The following SH3BP5 variants were observed in gnomAD, a reference collection of about 807,000 sequenced individuals.
SH3BP5 encodes SH3 domain binding protein 5.
A neutral mutation model predicts 43.3 loss-of-function variants in SH3BP5; 22 were observed. The ratio of observed to expected loss-of-function variants is 0.51; its 90% CI spans 0.36 to 0.73. SH3BP5 has a LOEUF of 0.73. SH3BP5 is among the 30% of genes least tolerant of loss of function. The probability of loss-of-function intolerance (pLI) is 0.00; values close to 1 mark genes in which losing one functional copy is unlikely to be tolerated. For synonymous variants in SH3BP5, 255 were observed against 225.8 expected (o/e 1.13, Z -1.16); for missense variants, 529 against 586.9 (o/e 0.90, Z 1.02).
chr3:15,283,764 C>T (rs78874178), intron 3 of SH3BP5, among the ~76,000 whole-genome samples: 2,565 of 152,294 alleles, frequency 0.017, 33 homozygotes, highest in South Asian at 0.023. Flanking sequence ...AGAGCCAAAA[C>T]CAAACTGCAG....
chr3:15,309,795 A>G (rs1056693054), intron 2 of SH3BP5, among the ~76,000 whole-genome samples: 2 of 152,056 alleles, frequency 1.3e-5, no homozygotes, highest in Non-Finnish European at 2.9e-5. Context: ...CCTTCTATAA[A>G]TGAGGCTGTG....
rs1047758856 is a variant in SH3BP5 at position 15,262,181 on chromosome 3, T to C, written c.604A>G (p.Lys202Glu). 1 of 1,614,006 alleles carries C rather than the reference T, an allele frequency of 6.2e-7. No individual in the cohort carries two copies. Among genetic ancestry groups the C allele is most frequent in the Non-Finnish European group, 8.5e-7 (1 of 1,179,944 alleles). The change falls in exon 5 of 9, where the codon AAG (lysine) becomes GAG (glutamate). Residue 202 changes from lysine to glutamate, a missense_variant. Physicochemically the swap from Lys to Glu is moderately conservative, Grantham distance 56. This residue lies in a region of SH3BP5 where 369 missense variants were observed against 384.3 expected (regional missense o/e 0.96). Transcript: ENST00000383791. The part of the protein sequence containing the change: ...GRMRQLEKKL[K>E]RAINKSKPYF... Reference sequence around the variant, plus strand: ...TACTTGGACTTGTTGATGGCTCTCTTGAGTTTCTTCTCCAGCTGTCGCATG... The same window carrying C: ...TACTTGGACTTGTTGATGGCTCTCTCGAGTTTCTTCTCCAGCTGTCGCATG...
rs1239303990 is a variant in SH3BP5, at chr3:15,276,411, C to A, written c.331-6534G>T. Reference sequence around the variant, plus strand: ...GCCAGGAAGCCACAGCCCCTGACCCCTAGTCTGGAGCTATTTCAGTTCAAC... The same window carrying A: ...GCCAGGAAGCCACAGCCCCTGACCCATAGTCTGGAGCTATTTCAGTTCAAC... On this transcript the variant is annotated intron_variant, in intron 3 of 8. Transcript: ENST00000383791. 2.6e-5 allele frequency among the ~76,000 whole-genome samples: 4 copies of A among 152,216 alleles called. No individual in the cohort carries two copies. In the East Asian group the frequency reaches 7.7e-4, roughly 29 times the overall value.
chr3:15,282,393 T>C (rs1216920667), intron 3 of SH3BP5, among the ~76,000 whole-genome samples: 1 of 152,220 alleles, frequency 6.6e-6, no homozygotes, highest in Admixed American at 6.5e-5. Context: ...TTTATTGCTG[T>C]GCAAGTTTGC....
chr3:15,314,579 G>A (rs867408635), intron 2 of SH3BP5, among the ~76,000 whole-genome samples: 5 of 152,212 alleles, frequency 3.3e-5, no homozygotes, highest in Admixed American at 1.3e-4. Context: ...AGCAGAGGTA[G>A]AGAGCAGGGG....
chr3:15,281,006 T>A (rs1697113492), intron 3 of SH3BP5, among the ~76,000 whole-genome samples: 1 of 152,168 alleles, frequency 6.6e-6, no homozygotes, highest in Non-Finnish European at 1.5e-5. Context: ...AGAACTGGAA[T>A]ATTGCACGCC....
chr3:15,312,744 G>A (rs984512449), intron 2 of SH3BP5, among the ~76,000 whole-genome samples: 1 of 152,120 alleles, frequency 6.6e-6, no homozygotes, highest in African/African-American at 2.4e-5. Context: ...CAGGCTCAGA[G>A]CCTTCCGTAA....
chr3:15,309,506 G>C (rs1248271085), intron 2 of SH3BP5, among the ~76,000 whole-genome samples: 1 of 152,150 alleles, frequency 6.6e-6, no homozygotes, highest in African/African-American at 2.4e-5. Flanking sequence ...CCCTTTCCAA[G>C]TAGCTGGGAC....
chr3:15,255,978 TTAGAG>T lies in SH3BP5; in HGVS notation c.*103_*107del, dbSNP rs778050503. The T allele has an allele frequency of 1.1e-4, 106 of 931,470 alleles. No homozygotes were observed. The highest frequency in any genetic ancestry group is 1.6e-4 in the Non-Finnish European group (97 of 597,534). The allele number at this position is 931,470 out of a possible 1,614,324, so 57.7% of individuals were successfully genotyped here. A position where few individuals can be genotyped will look rare whatever the true frequency, so the allele number is the denominator to read the frequency against. On this transcript the variant is annotated 3_prime_UTR_variant, in exon 9 of 9. Coordinates refer to ENST00000383791, the MANE Select transcript of SH3BP5 (RefSeq NM_004844.5). ...GTCACTGAAACTTCATTAGAGCAGT[TTAGAG>T]TAGACGTGTAAGATTTGGCATATAT...
intron 2 of SH3BP5, among the ~76,000 whole-genome samples, chr3:15,308,636 G>A (rs1042056237): frequency 2.0e-5 from 3 of 152,134 alleles, no homozygotes; most frequent in African/African-American, 7.2e-5. Flanking sequence ...CCATTATAAA[G>A]GCATCTGAAC....
At chr3:15,340,160 AG>A (rs1280094548) in intron 1 of SH3BP5, among the ~76,000 whole-genome samples, 1 of 152,182 alleles carries the variant, frequency 6.6e-6, no homozygotes, top group Non-Finnish European at 1.5e-5. Flanking sequence ...AGATAGACAA[AG>A]ATAAATGGTA....
At chr3:15,327,230 T>G (rs974808908) in intron 2 of SH3BP5, among the ~76,000 whole-genome samples, 1 of 151,360 alleles carries the variant, frequency 6.6e-6, no homozygotes, top group Non-Finnish European at 1.5e-5. Context: ...TGAAACCCCA[T>G]CTCTACTAAA....
chr3:15,335,730 G>T (rs1698693949), upstream of SH3BP5, among the ~76,000 whole-genome samples: 1 of 152,094 alleles, frequency 6.6e-6, no homozygotes, highest in South Asian at 2.1e-4. Context: ...GGATATCAAG[G>T]GACAACTGTA....
chr3:15,281,308 T>C (rs1011521186), intron 3 of SH3BP5, among the ~76,000 whole-genome samples: 3 of 152,196 alleles, frequency 2.0e-5, no homozygotes, highest in African/African-American at 4.8e-5. Context: ...TGGCATTGAT[T>C]TGACCAGGAC....
chr3:15,284,898 C>T (rs945349592), intron 3 of SH3BP5, among the ~76,000 whole-genome samples: 15 of 152,202 alleles, frequency 9.9e-5, no homozygotes, highest in African/African-American at 2.7e-4. Context: ...ACACACTGGA[C>T]GACCGAATGC....
At position 15,332,186 on chromosome 3, in the gene SH3BP5, GC is replaced by G. The variant is rs1397747706; in HGVS notation, c.138+84del. On this transcript the variant is annotated intron_variant, in intron 1 of 8. Coordinates refer to ENST00000383791, the MANE Select transcript of SH3BP5 (RefSeq NM_004844.5). The stretch of plus-strand genomic sequence containing the variant: ...AGTCCCCGGACCACAGTTACTGGGG[GC>G]TGCGAAGTGGCTGTACGCGTAGACA... The G allele has an allele frequency of 2.7e-5, 42 of 1,533,984 alleles. No individual in the cohort carries two copies. In the African/African-American group the frequency reaches 3.7e-4, roughly 14 times the overall value.
At chr3:15,296,710 T>C (rs1262726914) in intron 3 of SH3BP5, among the ~76,000 whole-genome samples, 2 of 149,424 alleles carry the variant, frequency 1.3e-5, no homozygotes, top group South Asian at 2.1e-4. Context: ...TTTTTTTTTT[T>C]TGAGACAGGG....
At chr3:15,273,067 G>C in intron 3 of SH3BP5, 4 of 915,508 alleles carry the variant, frequency 4.4e-6, no homozygotes, top group Non-Finnish European at 5.2e-6. Context: ...GAGGGAACCT[G>C]TCACCTTAAA....
At chr3:15,331,295 TGCTAA>T (rs1698602386) in intron 1 of SH3BP5, among the ~76,000 whole-genome samples, 1 of 152,220 alleles carries the variant, frequency 6.6e-6, no homozygotes, top group South Asian at 2.1e-4. Flanking sequence ...ATCTTTATCT[TGCTAA>T]GCTGACAAAA....
Sources: allele counts gnomAD v4.1 joint callset (sites outside exome capture counted in the v4.1 genomes callset), GRCh38; gene constraint gnomAD v4.1.1; regional missense constraint gnomAD v4.1.1; transcripts MANE v1.5; gene names NCBI Gene and HGNC (gene_info 2026-07-23, HGNC 2026-07-21).